EXOC4: variants seen among roughly 807,000 people sequenced by gnomAD.
EXOC4 encodes SEC8-like 1.
Under a neutral mutation model 107.2 loss-of-function variants are expected in EXOC4, and 71 were observed. The ratio of observed to expected loss-of-function variants is 0.66; its 90% CI spans 0.55 to 0.81. The LOEUF is 0.81. Among genes scored for constraint, EXOC4 ranks in the 30% least tolerant of loss-of-function variants. The pLI is 0.00. For missense variants in EXOC4, 1,108 were observed against 1,189.6 expected, an observed-to-expected ratio of 0.93 and a Z score of 1.01; for synonymous variants, 456 against 441.2, an observed-to-expected ratio of 1.03 and a Z score of -0.42.
At chr7:133,912,048 T>G (rs1799707523) in intron 12 of EXOC4, among the ~76,000 whole-genome samples, 1 of 152,246 alleles carries the variant, frequency 6.6e-6, no homozygotes, top group African/African-American at 2.4e-5. Flanking sequence ...TTCTTTTAGT[T>G]TTTTAAAAAC....
chr7:133,594,882 A>C (rs2150981752), intron 9 of EXOC4, among the ~76,000 whole-genome samples: 1 of 152,282 alleles, frequency 6.6e-6, no homozygotes, highest in Admixed American at 6.5e-5. Context: ...TGATTATGGG[A>C]AGTATAATGA....
chr7:133,356,790 G>C (rs981527333), intron 6 of EXOC4, among the ~76,000 whole-genome samples: 1 of 152,178 alleles, frequency 6.6e-6, no homozygotes, highest in Non-Finnish European at 1.5e-5. Flanking sequence ...AGACCAGCCT[G>C]TACTAGTAGT....
chr7:134,069,791 G>C (rs1796247627), downstream of EXOC4, among the ~76,000 whole-genome samples: 1 of 152,142 alleles, frequency 6.6e-6, no homozygotes, highest in Non-Finnish European at 1.5e-5. Context: ...TTTCTTGATG[G>C]AACTAATGGA....
chr7:133,870,244 C>G (rs1024256571), intron 11 of EXOC4, among the ~76,000 whole-genome samples: 7 of 152,266 alleles, frequency 4.6e-5, no homozygotes, highest in Admixed American at 3.9e-4. Flanking sequence ...TCACACACAT[C>G]TCCCTACCTC....
intron 17 of EXOC4, among the ~76,000 whole-genome samples, chr7:134,043,932 A>G (rs10260201): frequency 6.6e-6 from 1 of 152,136 alleles, no homozygotes; most frequent in African/African-American, 2.4e-5. Flanking sequence ...CAGTTGTGCT[A>G]ATTGGAAGTG....
At chr7:134,011,567 C>T (rs1319691022) in intron 17 of EXOC4, among the ~76,000 whole-genome samples, 4 of 151,976 alleles carry the variant, frequency 2.6e-5, no homozygotes, top group East Asian at 1.9e-4. Flanking sequence ...ACAAAAGCTA[C>T]GATTCGGGAA....
chr7:133,617,129 A>G (rs1160755602), intron 9 of EXOC4, among the ~76,000 whole-genome samples: 2 of 152,298 alleles, frequency 1.3e-5, no homozygotes, highest in South Asian at 2.1e-4. Flanking sequence ...TCACTATATC[A>G]AGTTAACCGA....
At chr7:133,870,696 G>A (rs976221959) in intron 11 of EXOC4, among the ~76,000 whole-genome samples, 2 of 152,190 alleles carry the variant, frequency 1.3e-5, no homozygotes, top group African/African-American at 4.8e-5. Context: ...TAGGTGGCAA[G>A]GTTGTTTTGT....
At chr7:134,057,513 T>C (rs925462842) in intron 17 of EXOC4, among the ~76,000 whole-genome samples, 3 of 152,198 alleles carry the variant, frequency 2.0e-5, no homozygotes, top group Admixed American at 6.5e-5. Context: ...GAATTTTCAA[T>C]CATGTTTGTA....
chr7:134,004,233 T>A (rs550834404), intron 15 of EXOC4, among the ~76,000 whole-genome samples: 265 of 152,290 alleles, frequency 1.7e-3, no homozygotes, highest in African/African-American at 6.2e-3. Context: ...ACTAATAAAT[T>A]ATTGTTAATA....
chr7:133,522,596 A>C (rs960115013), intron 9 of EXOC4, among the ~76,000 whole-genome samples: 1 of 152,282 alleles, frequency 6.6e-6, no homozygotes, highest in East Asian at 1.9e-4. Context: ...CATTGGGCAC[A>C]ATTATAGTGT....
intron 17 of EXOC4, among the ~76,000 whole-genome samples, chr7:134,054,403 G>A (rs1398958213): frequency 6.6e-6 from 1 of 152,104 alleles, no homozygotes; most frequent in Non-Finnish European, 1.5e-5. Flanking sequence ...AAATTCACTT[G>A]GGTTTTTCTA....
chr7:133,944,811 T>C (rs2116761323), intron 14 of EXOC4, among the ~76,000 whole-genome samples: 1 of 152,290 alleles, frequency 6.6e-6, no homozygotes, highest in South Asian at 2.1e-4. Context: ...TTGAGCCACT[T>C]GACTAAGGCC....
chr7:133,693,065 A>G (rs1428780456), intron 10 of EXOC4, among the ~76,000 whole-genome samples: 2 of 152,162 alleles, frequency 1.3e-5, no homozygotes, highest in African/African-American at 4.8e-5. Flanking sequence ...GTATATATGA[A>G]GGGGAATTTA....
chr7:133,366,967 A>G (rs1054986103), intron 6 of EXOC4, among the ~76,000 whole-genome samples: 42 of 152,118 alleles, frequency 2.8e-4, no homozygotes, highest in Non-Finnish European at 4.4e-5. Flanking sequence ...TATTTGAGAG[A>G]GAGTAAAGAG....
At chr7:133,992,679 T>C (rs892044774) in intron 14 of EXOC4, among the ~76,000 whole-genome samples, 1 of 150,956 alleles carries the variant, frequency 6.6e-6, no homozygotes, top group Non-Finnish European at 1.5e-5. Flanking sequence ...TTTCTAAATA[T>C]AAGATCATGT....
chr7:133,947,763 C>G (rs889511509), intron 14 of EXOC4, among the ~76,000 whole-genome samples: 125 of 152,224 alleles, frequency 8.2e-4, no homozygotes, highest in African/African-American at 2.9e-3. Context: ...AATTATGTGG[C>G]TGTTTCTTTG....
intron 15 of EXOC4, among the ~76,000 whole-genome samples, chr7:133,997,943 A>G (rs1433014656): frequency 1.3e-5 from 2 of 152,196 alleles, no homozygotes; most frequent in East Asian, 3.9e-4. Flanking sequence ...TATTTTAAAA[A>G]TGGAAATGAT....
chr7:134,034,453 A>G (rs6953179), intron 17 of EXOC4, among the ~76,000 whole-genome samples: 30,701 of 152,176 alleles, frequency 0.2, 3,693 homozygotes, highest in East Asian at 0.43. Context: ...TAATCTGTAC[A>G]TGTCAAGGGA....
Sources: gnomAD v4.1 joint callset for allele counts (sites outside exome capture counted in the v4.1 genomes callset) on GRCh38, gnomAD v4.1.1 for gene constraint, MANE v1.5 for transcripts, NCBI Gene and HGNC (gene_info 2026-07-23, HGNC 2026-07-21) for gene names.